Variants in MOXD1 observed in about 807,000 individuals in gnomAD.
MOXD1 encodes the protein monooxygenase DBH like 1, also known as DBH-like monooxygenase protein 1.
A neutral mutation model predicts 66.6 loss-of-function variants in MOXD1; 62 were observed. That is an observed-to-expected ratio of 0.93 (90% confidence interval 0.76 to 1.15). The LOEUF is 1.15. Among genes scored for constraint, MOXD1 ranks in the 50% most tolerant of loss-of-function variants. MOXD1 has a pLI of 0.00. For synonymous variants in MOXD1, 303 were observed against 281.9 expected, an observed-to-expected ratio of 1.07 and a Z score of -0.75; for missense variants, 847 against 754.6, an observed-to-expected ratio of 1.12 and a Z score of -1.44.
rs775490430 is a variant in MOXD1 at position 132,323,927 on chromosome 6, A to G, written c.1113+4T>C. 1.9e-6 allele frequency: 3 copies of G among 1,600,158 alleles called. No homozygotes were observed. Among genetic ancestry groups the G allele is most frequent in the Non-Finnish European group, 2.6e-6 (3 of 1,175,460 alleles). On this transcript the variant is annotated splice_donor_region_variant and intron_variant, in intron 7 of 11. Transcript: ENST00000367963. ...AGAGCAGCTCAGACTCAGATGCTGC[A>G]TACCTCTTCCAGGCACTCCAAAGTG... is the stretch of plus-strand genomic sequence containing the variant.
At chr6:132,308,932 T>C (rs1774758585) in intron 10 of MOXD1, among the ~76,000 whole-genome samples, 1 of 152,194 alleles carries the variant, frequency 6.6e-6, no homozygotes, top group Non-Finnish European at 1.5e-5. Flanking sequence ...GGGCAAAAGC[T>C]GGAAGCATTC....
chr6:132,317,038 A>G (rs1774975238), intron 9 of MOXD1, among the ~76,000 whole-genome samples: 1 of 152,122 alleles, frequency 6.6e-6, no homozygotes, highest in Non-Finnish European at 1.5e-5. Flanking sequence ...AAGGAGCAAG[A>G]GAAAAATGAC....
rs1562290128 is a variant in MOXD1 at position 132,349,468 on chromosome 6, TATATATATATATAC to T, written c.664-20888_664-20875del. On this transcript the variant is annotated intron_variant, in intron 4 of 11. Coordinates refer to ENST00000367963, the MANE Select transcript of MOXD1 (RefSeq NM_015529.4). The stretch of plus-strand genomic sequence containing the variant: ...ATATATATACATATATATATATACA[TATATATATATATAC>T]ATATATATATATACCACAGTTTCTT... Among the ~76,000 whole-genome samples, 148 of 31,600 alleles carry T rather than the reference TATATATATATATAC, an allele frequency of 4.7e-3. 26 individuals carry two copies. Among genetic ancestry groups the T allele is most frequent in the African/African-American group, 0.013 (142 of 10,804 alleles). 20.7% of individuals were successfully genotyped at this position (31,600 alleles called of 152,430 possible).
chr6:132,307,611 A>C (rs1774724027), intron 10 of MOXD1, among the ~76,000 whole-genome samples: 3 of 152,216 alleles, frequency 2.0e-5, no homozygotes, highest in African/African-American at 7.2e-5. Context: ...TCGACCACAT[A>C]ATTGGAAGTA....
intron 6 of MOXD1, among the ~76,000 whole-genome samples, chr6:132,326,294 C>A (rs1775187314): frequency 6.6e-6 from 1 of 151,664 alleles, no homozygotes; most frequent in South Asian, 2.1e-4. Context: ...ATAGAAAGTA[C>A]TAAAAATCCT....
intron 4 of MOXD1, among the ~76,000 whole-genome samples, chr6:132,334,490 T>C (rs1471532717): frequency 6.6e-6 from 1 of 152,200 alleles, no homozygotes; most frequent in Non-Finnish European, 1.5e-5. Context: ...TGTCATCTGC[T>C]CCTTCTCATC....
chr6:132,324,931 A>G (rs116316481), intron 6 of MOXD1: 1 of 145,082 alleles, frequency 6.9e-6, no homozygotes, highest in African/African-American at 2.5e-5. Flanking sequence ...TCCTCATTGC[A>G]TGTTATATAC....
chr6:132,305,005 C>T (rs955286304), intron 10 of MOXD1, among the ~76,000 whole-genome samples: 3 of 152,164 alleles, frequency 2.0e-5, no homozygotes, highest in East Asian at 1.9e-4. Context: ...ACCAAACTCC[C>T]GAGGGCAGGG....
At chr6:132,391,494 T>G (rs1298631687) in intron 1 of MOXD1, 3 of 152,204 alleles carry the variant, frequency 2.0e-5, no homozygotes, top group African/African-American at 7.2e-5. Flanking sequence ...TAGAAGAAGC[T>G]TCCTGGAGAA....
rs759499414 is a variant in MOXD1, at chr6:132,297,231, G to A, written c.1764C>T (p.Ser588=). ...AGTTGATGGAGAAATCTCTGTGCAG[G>A]GAAGAGGAAGAAGACGTGCCACACA... ...PLVCGTSSSS[S]LHRDFSINLL... The change falls in exon 12 of 12, where the codon TCC becomes TCT. Residue 588 remains serine, a synonymous_variant. Coordinates refer to ENST00000367963, the MANE Select transcript of MOXD1 (RefSeq NM_015529.4). 1.2e-6 allele frequency: 2 copies of A among 1,613,530 alleles called. No individual in the cohort carries two copies. The highest frequency in any genetic ancestry group is 2.7e-5 in the African/African-American group (2 of 74,888).
chr6:132,350,139 A>C (rs1001235812), intron 4 of MOXD1, among the ~76,000 whole-genome samples: 3 of 152,034 alleles, frequency 2.0e-5, no homozygotes, highest in Admixed American at 6.6e-5. Flanking sequence ...TTAGGTCCCA[A>C]CTATTTATCT....
intron 1 of MOXD1, among the ~76,000 whole-genome samples, chr6:132,375,641 C>T (rs1278376799): frequency 1.3e-5 from 2 of 152,068 alleles, no homozygotes; most frequent in Non-Finnish European, 2.9e-5. Context: ...AGGATGGTCT[C>T]GATCTCCTGA....
At chr6:132,358,316 G>A (rs1562292355) in intron 4 of MOXD1, among the ~76,000 whole-genome samples, 1 of 152,182 alleles carries the variant, frequency 6.6e-6, no homozygotes, top group African/African-American at 2.4e-5. Context: ...CATTTGCACT[G>A]AAAAGAGTTC....
At chr6:132,303,147 T>C (rs1361377353) in intron 10 of MOXD1, among the ~76,000 whole-genome samples, 1 of 151,998 alleles carries the variant, frequency 6.6e-6, no homozygotes, top group African/African-American at 2.4e-5. Flanking sequence ...AAGCAGGATA[T>C]GAAAAGCACA....
At chr6:132,384,472 A>G (rs1776585293) in intron 1 of MOXD1, among the ~76,000 whole-genome samples, 1 of 152,228 alleles carries the variant, frequency 6.6e-6, no homozygotes, top group South Asian at 2.1e-4. Flanking sequence ...GGGGACAGAC[A>G]ATTTCTAAAG....
chr6:132,361,430 T>G (rs1303982242), intron 4 of MOXD1, among the ~76,000 whole-genome samples: 1 of 152,130 alleles, frequency 6.6e-6, no homozygotes, highest in Non-Finnish European at 1.5e-5. Flanking sequence ...TCGATAGACA[T>G]TCAATATGTG....
intron 7 of MOXD1, 149 bp from the exon 8 acceptor site, chr6:132,323,019 TTG>T (rs975314125): frequency 1.4e-6 from 1 of 738,204 alleles, no homozygotes; most frequent in African/African-American, 1.8e-5. Context: ...TGAATTCGGA[TTG>T]TTCAGTGTTC....
chr6:132,312,300 C>T (rs982974666), intron 10 of MOXD1, among the ~76,000 whole-genome samples: 1 of 151,904 alleles, frequency 6.6e-6, no homozygotes, highest in Admixed American at 6.6e-5. Context: ...ATGAAAAGCA[C>T]AGAATAGAAG....
intron 4 of MOXD1, among the ~76,000 whole-genome samples, chr6:132,338,350 T>C (rs929919939): frequency 6.6e-6 from 1 of 152,204 alleles, no homozygotes; most frequent in Non-Finnish European, 1.5e-5. Flanking sequence ...GGTTCTGTTC[T>C]AGGTTCCTCA....
Sources: allele counts gnomAD v4.1 joint callset (sites outside exome capture counted in the v4.1 genomes callset), GRCh38; gene constraint gnomAD v4.1.1; transcripts MANE v1.5; gene names NCBI Gene and HGNC (gene_info 2026-07-23, HGNC 2026-07-21).